The following EGFLAM variants were observed in gnomAD, a reference collection of about 807,000 sequenced individuals.
EGFLAM encodes the protein pikachurin.
EGFLAM carries 79 observed loss-of-function variants against 113.1 expected under a neutral mutation model. The observed-to-expected ratio is 0.70, with a 90% CI of 0.58 to 0.84. The LOEUF (loss-of-function observed/expected upper bound fraction) is 0.84, where lower values mean the gene tolerates loss of function less well. Among genes scored for constraint, EGFLAM ranks in the 40% least tolerant of loss-of-function variants. The pLI is 0.00. For missense variants in EGFLAM, 1,265 were observed against 1,291.6 expected, an observed-to-expected ratio of 0.98 and a Z score of 0.32; for synonymous variants, 504 against 487.6, an observed-to-expected ratio of 1.03 and a Z score of -0.44.
chr5:38,438,131 A>G, intron 16 of EGFLAM, 144 bp from the exon 17 acceptor site: 1 of 754,420 alleles, frequency 1.3e-6, no homozygotes, highest in East Asian at 3.1e-5. Context: ...CCAAAAAAAA[A>G]AAAAAAAAAG....
intron 1 of EGFLAM, among the ~76,000 whole-genome samples, chr5:38,317,070 G>A (rs1365987446): frequency 1.3e-5 from 2 of 152,134 alleles, no homozygotes; most frequent in African/African-American, 4.8e-5. Flanking sequence ...GAGACCCACG[G>A]TCAAATCCTG....
At chr5:38,284,580 G>A (rs566419884) in intron 1 of EGFLAM, among the ~76,000 whole-genome samples, 56 of 152,310 alleles carry the variant, frequency 3.7e-4, no homozygotes, top group African/African-American at 1.3e-3. Context: ...AGCTCCAGCA[G>A]GCCTGCTGCT....
chr5:38,454,275 A>G (rs765762074), intron 19 of EGFLAM, among the ~76,000 whole-genome samples: 1 of 152,154 alleles, frequency 6.6e-6, no homozygotes, highest in Non-Finnish European at 1.5e-5. Context: ...CTGATTAGAA[A>G]CAAGCACCCG....
intron 1 of EGFLAM, among the ~76,000 whole-genome samples, chr5:38,291,494 C>A (rs145672301): frequency 1.4e-3 from 212 of 152,304 alleles, no homozygotes; most frequent in African/African-American, 5.0e-3. Context: ...GGAGCTGACT[C>A]ATGAGGGCAG....
chr5:38,324,740 A>G (rs757146468), intron 1 of EGFLAM, among the ~76,000 whole-genome samples: 16 of 152,276 alleles, frequency 1.1e-4, no homozygotes, highest in Non-Finnish European at 1.9e-4. Context: ...CGTATCTCTT[A>G]GGCTCGGGGG....
intron 5 of EGFLAM, among the ~76,000 whole-genome samples, chr5:38,367,993 T>C (rs1336436972): frequency 1.3e-5 from 2 of 152,256 alleles, no homozygotes; most frequent in Non-Finnish European, 2.9e-5. Context: ...GGACAACATG[T>C]ACAAAATCAT....
intron 6 of EGFLAM, among the ~76,000 whole-genome samples, chr5:38,402,347 A>G (rs750612644): frequency 1.3e-5 from 2 of 152,252 alleles, no homozygotes; most frequent in Non-Finnish European, 2.9e-5. Context: ...GCCTTGAGCA[A>G]GTTATTTAAT....
intron 17 of EGFLAM, chr5:38,445,401 A>T: frequency 8.6e-7 from 1 of 1,167,214 alleles, no homozygotes; most frequent in Non-Finnish European, 1.1e-6. Flanking sequence ...AGCTGATTCT[A>T]AACATCTTCT....
intron 17 of EGFLAM, among the ~76,000 whole-genome samples, chr5:38,443,290 T>C (rs377591784): frequency 6.6e-5 from 10 of 152,214 alleles, no homozygotes; most frequent in Admixed American, 3.9e-4. Context: ...ATAAGATGAT[T>C]AGAGTCATGC....
intron 1 of EGFLAM, among the ~76,000 whole-genome samples, chr5:38,315,735 G>A (rs1371138614): frequency 2.0e-5 from 3 of 152,154 alleles, no homozygotes; most frequent in Non-Finnish European, 2.9e-5. Context: ...TTCCTCATCT[G>A]TACAATGGGC....
chr5:38,452,125 C>G (rs1436023729), intron 19 of EGFLAM, among the ~76,000 whole-genome samples: 2 of 150,746 alleles, frequency 1.3e-5, no homozygotes, highest in African/African-American at 4.9e-5. Flanking sequence ...CAACCTCTGC[C>G]TTCTGGGTTC....
intron 2 of EGFLAM, 113 bp from the exon 3 acceptor site, chr5:38,338,585 G>C (rs954332159): frequency 3.2e-6 from 3 of 951,202 alleles, no homozygotes; most frequent in Admixed American, 3.8e-5. Context: ...ACTAGTGCAC[G>C]TGATGTTAGG....
At chr5:38,263,275 A>G (rs1185931507) in intron 1 of EGFLAM, among the ~76,000 whole-genome samples, 1 of 152,182 alleles carries the variant, frequency 6.6e-6, no homozygotes, top group African/African-American at 2.4e-5. Context: ...CAGCCTGGCC[A>G]ACATGGCAAA....
In EGFLAM at chr5:38,344,794, T is replaced by C. The variant is rs138630519; in HGVS notation, c.292-5707T>C. ...GCTGCCACATCCACACTCTAGCCAA[T>C]AGATGAGGAAAAGAGGAAAGGAAAC... On this transcript the variant is annotated intron_variant, in intron 3 of 21. Coordinates refer to ENST00000322350, the MANE Select transcript of EGFLAM (RefSeq NM_152403.4). Among the ~76,000 whole-genome samples the C allele has an allele frequency of 9.8e-4, 149 of 152,108 alleles. 1 individual carries two copies. Among genetic ancestry groups the C allele is most frequent in the African/African-American group, 3.3e-3 (138 of 41,486 alleles).
chr5:38,405,858 A>G (rs1472172169), intron 6 of EGFLAM, among the ~76,000 whole-genome samples: 1 of 152,108 alleles, frequency 6.6e-6, no homozygotes, highest in Non-Finnish European at 1.5e-5. Flanking sequence ...TAATATTTTT[A>G]TTATCTGATT....
chr5:38,462,654 C>T lies in EGFLAM; in HGVS notation c.2772-254C>T, dbSNP rs115671431. ...GCTCCTCTGGTGTAATTCCACAGCA[C>T]CCTTGTGGTCTTCGCCGTGGAGTGC... On this transcript the variant is annotated intron_variant, in intron 20 of 21. Transcript: ENST00000322350. The T allele has an allele frequency of 5.9e-3, 2,454 of 418,560 alleles. 55 individuals are homozygous for T. The highest frequency in any genetic ancestry group is 0.043 in the African/African-American group (2,121 of 49,648). The allele number at this position is 418,560 out of a possible 1,614,324, so 25.9% of individuals were successfully genotyped here.
At chr5:38,403,713 G>T in intron 6 of EGFLAM, 2 of 1,431,162 alleles carry the variant, frequency 1.4e-6, no homozygotes, top group Non-Finnish European at 9.3e-7. Flanking sequence ...TAATATTTTT[G>T]GACTGTGGTT....
chr5:38,360,010 T>C (rs1463273581), intron 5 of EGFLAM, among the ~76,000 whole-genome samples: 2 of 152,198 alleles, frequency 1.3e-5, no homozygotes, highest in Admixed American at 6.5e-5. Context: ...TTTTTTAAAG[T>C]ATTACTCGCA....
rs70978880 is a variant in EGFLAM at position 38,333,916 on chromosome 5, G to GTTTTTTTTTTTT, written c.98-3591_98-3580dup. Among the ~76,000 whole-genome samples, 4 of 29,306 alleles carry GTTTTTTTTTTTT rather than the reference G, an allele frequency of 1.4e-4. 1 individual carries two copies. Among genetic ancestry groups the GTTTTTTTTTTTT allele is most frequent in the African/African-American group, 4.8e-4 (3 of 6,254 alleles). The allele number at this position is 29,306 out of a possible 152,430, so 19.2% of individuals were successfully genotyped here. ...TGTCTGTTTATTTTTATTGTTGAGG[G>GTTTTTTTTTTTT]TTTTTTTTTTTTTTTTTTTTTTTTG... is the stretch of plus-strand genomic sequence containing the variant. On this transcript the variant is annotated intron_variant, in intron 1 of 21. Transcript: ENST00000322350.
Sources: gnomAD v4.1 joint callset for allele counts (sites outside exome capture counted in the v4.1 genomes callset) on GRCh38, gnomAD v4.1.1 for gene constraint, MANE v1.5 for transcripts, NCBI Gene and HGNC (gene_info 2026-07-23, HGNC 2026-07-21) for gene names.